The following COL5A1 variants were observed in gnomAD, a reference collection of about 807,000 sequenced individuals.
The protein encoded by COL5A1 is collagen alpha-1(V) chain.
COL5A1 carries 16 observed loss-of-function variants against 263.7 expected under a neutral mutation model. That is an observed-to-expected ratio of 0.06 (90% CI 0.04 to 0.09). The LOEUF (loss-of-function observed/expected upper bound fraction) is 0.09. COL5A1 is among the 10% of genes least tolerant of loss of function. COL5A1 has a pLI of 1.00. For synonymous variants in COL5A1, 1,012 were observed against 1,004.5 expected, an observed-to-expected ratio of 1.01 and a Z score of -0.14; for missense variants, 2,036 against 2,540.5, an observed-to-expected ratio of 0.80 and a Z score of 4.27.
chr9:134,742,922 G>C lies in COL5A1; in HGVS notation c.1494+4114G>C, dbSNP rs1055535177. ...GAGAGGGCTGGGGACCATCAGTAAA[G>C]ATTCAGGCCCCAGTGAGTCCCGCCT... On this transcript the variant is annotated intron_variant, in intron 11 of 65. Transcript: ENST00000371817. This position sits in a 1 kb window ranked among gnomAD's most constrained non-coding sequence, Gnocchi z 4.6. Among the ~76,000 whole-genome samples, 4 of 152,186 alleles carry C rather than the reference G, an allele frequency of 2.6e-5. No homozygotes were observed. Among genetic ancestry groups the C allele is most frequent in the African/African-American group, 9.6e-5 (4 of 41,460 alleles).
intron 1 of COL5A1, among the ~76,000 whole-genome samples, chr9:134,675,784 A>AG (rs1832669618): frequency 6.6e-6 from 1 of 152,222 alleles, no homozygotes; most frequent in Admixed American, 6.5e-5. Context: ...GAGCCCTCCA[A>AG]GGGGCTGCTT....
In COL5A1 at chr9:134,700,142, C is replaced by T. The variant is rs1473724719; in HGVS notation, c.491+20C>T. 7.5e-6 allele frequency: 12 copies of T among 1,596,166 alleles called. No individual in the cohort carries two copies. The highest frequency in any genetic ancestry group is 9.3e-6 in the Non-Finnish European group (11 of 1,177,062). Reference sequence around the variant, plus strand: ...TGGCAAGTAAGTGGGCACTTCTGGGCAACTGTCCCCCTGCTGGAGGGGGGA... The same window carrying T: ...TGGCAAGTAAGTGGGCACTTCTGGGTAACTGTCCCCCTGCTGGAGGGGGGA... On this transcript the variant is annotated intron_variant, in intron 3 of 65. Transcript: ENST00000371817. The surrounding 1 kb of genome is among the most constrained non-coding windows in gnomAD (Gnocchi z 4.0).
intron 18 of COL5A1, among the ~76,000 whole-genome samples, chr9:134,760,810 ACC>A (rs1159655954): frequency 7.2e-6 from 1 of 139,604 alleles, no homozygotes; most frequent in Non-Finnish European, 1.5e-5. Context: ...ACCCTGACAC[ACC>A]CCCACATGCA....
At chr9:134,664,926 C>T (rs990975944) in intron 1 of COL5A1, among the ~76,000 whole-genome samples, 4 of 151,678 alleles carry the variant, frequency 2.6e-5, no homozygotes, top group Middle Eastern at 3.4e-3. Context: ...GAGCTGGGCA[C>T]GGTGGCTCAC....
intron 4 of COL5A1, among the ~76,000 whole-genome samples, chr9:134,704,805 T>C (rs1232201362): frequency 1.9e-5 from 1 of 51,508 alleles, no homozygotes; most frequent in Non-Finnish European, 5.1e-5. Context: ...TTTTTTTTTT[T>C]CCCTTAACAG....
chr9:134,699,241 C>T (rs1373564155), intron 2 of COL5A1, among the ~76,000 whole-genome samples: 1 of 152,218 alleles, frequency 6.6e-6, no homozygotes, highest in African/African-American at 2.4e-5. Context: ...TTAATGACCT[C>T]AAATTGCTCC....
chr9:134,655,325 G>C (rs1831924089), intron 1 of COL5A1, among the ~76,000 whole-genome samples: 2 of 152,068 alleles, frequency 1.3e-5, no homozygotes, highest in Middle Eastern at 3.4e-3. Flanking sequence ...GAGGGAGGCG[G>C]AGGTGGAGCT....
chr9:134,826,466 C>T (rs998006409), intron 63 of COL5A1, among the ~76,000 whole-genome samples: 6 of 152,276 alleles, frequency 3.9e-5, no homozygotes, highest in South Asian at 2.1e-4. Flanking sequence ...TGTGGCCTTT[C>T]GGAGGCCTCA....
chr9:134,654,456 G>T (rs1390225113), intron 1 of COL5A1, among the ~76,000 whole-genome samples: 3 of 124,098 alleles, frequency 2.4e-5, no homozygotes, highest in East Asian at 2.8e-4. Context: ...GGGCTGGTGT[G>T]TGTAGGGCTG....
intron 4 of COL5A1, among the ~76,000 whole-genome samples, chr9:134,726,974 T>C (rs555866736): frequency 1.2e-3 from 183 of 149,182 alleles, no homozygotes; most frequent in African/African-American, 4.4e-3. Context: ...GATAGGTGGA[T>C]AGATGGGTGA....
intron 1 of COL5A1, among the ~76,000 whole-genome samples, chr9:134,648,435 A>C (rs1230112899): frequency 6.6e-6 from 1 of 152,052 alleles, no homozygotes; most frequent in Non-Finnish European, 1.5e-5. Flanking sequence ...CATAGGGACC[A>C]GGGTGGCCTG....
In COL5A1 at chr9:134,741,801, G is replaced by T. The variant is rs192835197; in HGVS notation, c.1494+2993G>T. Reference sequence around the variant, plus strand: ...CTGTCTGGGAGGGCCTTTTCCCTGGGGTCTGGAAGAGCCCTCTTCTCCCTG... The same window carrying T: ...CTGTCTGGGAGGGCCTTTTCCCTGGTGTCTGGAAGAGCCCTCTTCTCCCTG... On this transcript the variant is annotated intron_variant, in intron 11 of 65. Coordinates refer to ENST00000371817, the MANE Select transcript of COL5A1 (RefSeq NM_000093.5). The surrounding 1 kb of genome is among the most constrained non-coding windows in gnomAD (Gnocchi z 4.5). Among the ~76,000 whole-genome samples, 495 of 152,206 alleles carry T rather than the reference G, an allele frequency of 3.3e-3. 1 individual carries two copies. The highest frequency in any genetic ancestry group is 0.011 in the African/African-American group (469 of 41,530).
chr9:134,759,546 C>CA lies in COL5A1; in HGVS notation c.1935+1251dup, dbSNP rs1388191356. On this transcript the variant is annotated intron_variant, in intron 18 of 65. Coordinates refer to ENST00000371817, the MANE Select transcript of COL5A1 (RefSeq NM_000093.5). ...ACACCACATACACCACACATGCGCACACACACTCATACACACATGCACACA... is the reference window on the plus strand; with the variant it reads ...ACACCACATACACCACACATGCGCACAACACACTCATACACACATGCACACA... 8.1e-5 allele frequency among the ~76,000 whole-genome samples: 11 copies of CA among 135,436 alleles called. 2 individuals carry two copies. Among genetic ancestry groups the CA allele is most frequent in the African/African-American group, 3.4e-4 (11 of 32,706 alleles). The allele number at this position is 135,436 out of a possible 152,430, so 88.9% of individuals were successfully genotyped here. A position where few individuals can be genotyped will look rare whatever the true frequency, so the allele number is the denominator to read the frequency against.
intron 4 of COL5A1, among the ~76,000 whole-genome samples, chr9:134,706,769 C>T (rs1833850051): frequency 6.6e-6 from 1 of 152,240 alleles, no homozygotes; most frequent in South Asian, 2.1e-4. Context: ...GCCCTCCCCG[C>T]ACAGGCCCTG....
chr9:134,681,414 A>G lies in COL5A1; in HGVS notation c.110-9498A>G, dbSNP rs1181130337. 2.0e-5 allele frequency among the ~76,000 whole-genome samples: 3 copies of G among 152,198 alleles called. No individual in the cohort carries two copies. Among genetic ancestry groups the G allele is most frequent in the Non-Finnish European group, 4.4e-5 (3 of 68,026 alleles). ...CTGTGCGGGGCCCCTGCCCTCCTGC[A>G]GTTCACAGCCCGTGGAGGAGACACA... On this transcript the variant is annotated intron_variant, in intron 1 of 65. Coordinates refer to ENST00000371817, the MANE Select transcript of COL5A1 (RefSeq NM_000093.5). This position sits in a 1 kb window ranked among gnomAD's most constrained non-coding sequence, Gnocchi z 4.3.
Position 134,780,940 on chromosome 9 carries a change from C to T in COL5A1, c.2430+794C>T, listed in dbSNP as rs1837227706. Among the ~76,000 whole-genome samples the T allele has an allele frequency of 2.0e-5, 3 of 152,248 alleles. No homozygotes were observed. In the South Asian group the frequency reaches 6.2e-4, roughly 31 times the overall value. ...CGCCCTGCCATGCCGTGTAGCCATG[C>T]AATACTTGCTTTCCGTAAGGCATGT... On this transcript the variant is annotated intron_variant, in intron 28 of 65. Transcript: ENST00000371817.
rs912532107 is a variant in COL5A1, at chr9:134,816,956, C to T, written c.4123-70C>T. 539 of 1,369,506 alleles carry T rather than the reference C, an allele frequency of 3.9e-4. 1 individual carries two copies. Among genetic ancestry groups the T allele is most frequent in the Non-Finnish European group, 4.9e-4 (472 of 957,404 alleles). The allele number at this position is 1,369,506 out of a possible 1,614,324, so 84.8% of individuals were successfully genotyped here. A position where few individuals can be genotyped will look rare whatever the true frequency, so the allele number is the denominator to read the frequency against. ...CGAGGAGTAAATAGACTGAAATCGC[C>T]ATGTGTTTTGCCTCAATTGAGTCTA... is the stretch of plus-strand genomic sequence containing the variant. On this transcript the variant is annotated intron_variant, in intron 52 of 65. Coordinates refer to ENST00000371817, the MANE Select transcript of COL5A1 (RefSeq NM_000093.5).
intron 1 of COL5A1, among the ~76,000 whole-genome samples, chr9:134,662,630 AG>A (rs1234288316): frequency 6.6e-6 from 1 of 152,196 alleles, no homozygotes; most frequent in Non-Finnish European, 1.5e-5. Context: ...CCCAGATGGA[AG>A]GGCCTCTGGG....
At chr9:134,778,285 A>C (rs1363356022) in intron 27 of COL5A1, among the ~76,000 whole-genome samples, 1 of 152,240 alleles carries the variant, frequency 6.6e-6, no homozygotes, top group Non-Finnish European at 1.5e-5. Context: ...CAGCTGGCCC[A>C]GCTGAGTCAC....
Sources: allele counts gnomAD v4.1 joint callset (sites outside exome capture counted in the v4.1 genomes callset), GRCh38; gene constraint gnomAD v4.1.1; non-coding constraint Gnocchi (gnomAD v3.1); transcripts MANE v1.5; gene names NCBI Gene and HGNC (gene_info 2026-07-23, HGNC 2026-07-21).